NCKAP5: variants seen among roughly 807,000 people sequenced by gnomAD.
NCKAP5 encodes the protein nck-associated protein 5.
In NCKAP5, 92 loss-of-function variants were observed where a neutral mutation model predicts 167.0. The ratio of observed to expected loss-of-function variants is 0.55; its 90% CI spans 0.47 to 0.66. The LOEUF is 0.66. Among genes scored for constraint, NCKAP5 ranks in the 30% least tolerant of loss-of-function variants. The pLI is 0.00. For missense variants in NCKAP5, 2,378 were observed against 2,315.0 expected (o/e 1.03, Z -0.56); for synonymous variants, 891 against 877.4 (o/e 1.02, Z -0.27).
At chr2:132,985,729 C>T (rs1284534133) in intron 7 of NCKAP5, among the ~76,000 whole-genome samples, 3 of 152,074 alleles carry the variant, frequency 2.0e-5, no homozygotes, top group African/African-American at 7.2e-5. Context: ...TAAATCTTAA[C>T]ACACAATAAA....
Position 133,213,880 on chromosome 2 carries a change from T to TCCTTGGTTTAGCTCACTTCCTC in NCKAP5, c.144-123_144-102dup, listed in dbSNP as rs2086314155. 4.5e-6 allele frequency: 5 copies of TCCTTGGTTTAGCTCACTTCCTC among 1,111,306 alleles called. No homozygotes were observed. In the South Asian group the frequency reaches 6.6e-5, roughly 15 times the overall value. The allele number at this position is 1,111,306 out of a possible 1,614,324, so 68.8% of individuals were successfully genotyped here. On this transcript the variant is annotated intron_variant, in intron 4 of 19. Transcript: ENST00000409261. ...TTTTGAGGTCTCTAGAGGAATTCCTTCCTTGGTTTAGCTCACTTCCTCCTC... is the reference window on the plus strand; with the variant it reads ...TTTTGAGGTCTCTAGAGGAATTCCTTCCTTGGTTTAGCTCACTTCCTCCCTTGGTTTAGCTCACTTCCTCCTC...
At chr2:133,434,356 A>G (rs558963050) in intron 3 of NCKAP5, among the ~76,000 whole-genome samples, 1 of 152,352 alleles carries the variant, frequency 6.6e-6, no homozygotes, top group East Asian at 1.9e-4. Context: ...AATAATTTCA[A>G]GGAAAGTTTT....
Position 132,823,645 on chromosome 2 carries a change from A to C in NCKAP5, c.808-26916T>G, listed in dbSNP as rs372492523. Reference sequence around the variant, plus strand: ...GGCCTATAAAACAATAACACAATGGAAAAAAAACCCAAGGTATTAAGGCGA... The same window carrying C: ...GGCCTATAAAACAATAACACAATGGCAAAAAAACCCAAGGTATTAAGGCGA... On this transcript the variant is annotated intron_variant, in intron 11 of 19. Coordinates refer to ENST00000409261, the MANE Select transcript of NCKAP5 (RefSeq NM_207363.3). 1.8e-4 allele frequency among the ~76,000 whole-genome samples: 27 copies of C among 152,186 alleles called. No individual in the cohort carries two copies. In the East Asian group the frequency reaches 4.8e-3, roughly 27 times the overall value.
At chr2:133,483,634 G>GGC (rs1553651852) in intron 3 of NCKAP5, among the ~76,000 whole-genome samples, 1 of 150,900 alleles carries the variant, frequency 6.6e-6, no homozygotes, top group African/African-American at 2.4e-5. Context: ...AAAAGGGGGG[G>GGC]GGGCTTTTTC....
chr2:132,757,389 G>C (rs570386563), intron 16 of NCKAP5, among the ~76,000 whole-genome samples: 2 of 152,160 alleles, frequency 1.3e-5, no homozygotes, highest in East Asian at 1.9e-4. Context: ...TCATTAAAAA[G>C]TACCCAGATC....
chr2:132,722,670 C>T (rs1021388399), intron 19 of NCKAP5, among the ~76,000 whole-genome samples: 1 of 152,064 alleles, frequency 6.6e-6, no homozygotes, highest in Admixed American at 6.5e-5. Context: ...TTAATGGGCC[C>T]CCAAATCTAG....
chr2:133,081,846 C>T (rs2080820301), intron 6 of NCKAP5, among the ~76,000 whole-genome samples: 1 of 152,130 alleles, frequency 6.6e-6, no homozygotes, highest in Non-Finnish European at 1.5e-5. Context: ...ATTACCCAGA[C>T]ATCAAGTGAC....
chr2:132,731,764 T>C lies in NCKAP5; in HGVS notation c.5416A>G (p.Ser1806Gly). 2 of 1,605,068 alleles carry C rather than the reference T, an allele frequency of 1.2e-6. No individual in the cohort carries two copies. Among genetic ancestry groups the C allele is most frequent in the Non-Finnish European group, 1.7e-6 (2 of 1,173,030 alleles). The change falls in exon 17 of 20, where the codon AGC becomes GGC. Residue 1806 changes from serine (S) to glycine (G), a missense_variant. Ser to Gly is a moderately conservative substitution (Grantham distance 56, BLOSUM62 0). Around this residue, in one of 3 missense-constraint regions of NCKAP5, gnomAD observed 1,325 missense variants for 1,274.5 expected, o/e 1.04. Coordinates refer to ENST00000409261, the MANE Select transcript of NCKAP5 (RefSeq NM_207363.3). ...MTARGMRPLQ[S>G]RLPKPASSGK... Reference sequence around the variant, plus strand: ...GAGGAAGCTGGTTTGGGGAGGCGGCTCTGAAGAGGCCTCATCCCTCTGGCG... The same window carrying C: ...GAGGAAGCTGGTTTGGGGAGGCGGCCCTGAAGAGGCCTCATCCCTCTGGCG...
chr2:132,775,646 G>T (rs187841454), intron 15 of NCKAP5, among the ~76,000 whole-genome samples: 1 of 152,232 alleles, frequency 6.6e-6, no homozygotes, highest in Admixed American at 6.5e-5. Context: ...GTATGAGAAA[G>T]ACCAAAGTAC....
intron 8 of NCKAP5, among the ~76,000 whole-genome samples, chr2:132,935,641 G>A (rs971282868): frequency 6.6e-6 from 1 of 152,124 alleles, no homozygotes; most frequent in Non-Finnish European, 1.5e-5. Flanking sequence ...GGTGGTGGGG[G>A]ACTTTACTGA....
intron 8 of NCKAP5, among the ~76,000 whole-genome samples, chr2:132,906,197 T>C (rs1485376516): frequency 6.6e-6 from 1 of 152,196 alleles, no homozygotes; most frequent in Admixed American, 6.5e-5. Flanking sequence ...TTGGGTATCT[T>C]TCCATCCAAC....
At chr2:133,563,564 T>TAAAAAAAAAAAAAAAAAAAAAAAAAAAA (rs57901498) in intron 1 of NCKAP5, among the ~76,000 whole-genome samples, 1 of 53,012 alleles carries the variant, frequency 1.9e-5, no homozygotes, top group African/African-American at 7.0e-5. Context: ...AAAGACTCCA[T>TAAAAAAAAAAAAAAAAAAAAAAAAAAAA]AAAAAAAAAA....
chr2:132,982,836 G>C (rs2077181011), intron 7 of NCKAP5, among the ~76,000 whole-genome samples: 1 of 152,156 alleles, frequency 6.6e-6, no homozygotes, highest in South Asian at 2.1e-4. Flanking sequence ...TTGCTGCAAG[G>C]AACATGATTT....
At position 133,352,147 on chromosome 2, in the gene NCKAP5, A is replaced by T. The variant is rs563982239; in HGVS notation, c.70-49037T>A. ...AATGGAGACCCTGTCACCATCACCC[A>T]TTTAAAACCTAAATAACCAACAACC... On this transcript the variant is annotated intron_variant, in intron 3 of 19. Coordinates refer to ENST00000409261, the MANE Select transcript of NCKAP5 (RefSeq NM_207363.3). 1.6e-4 allele frequency among the ~76,000 whole-genome samples: 25 copies of T among 152,180 alleles called. 1 individual carries two copies. Among genetic ancestry groups the T allele is most frequent in the African/African-American group, 6.0e-4 (25 of 41,520 alleles).
intron 4 of NCKAP5, among the ~76,000 whole-genome samples, chr2:133,242,575 C>A (rs2087768812): frequency 6.6e-6 from 1 of 152,136 alleles, no homozygotes; most frequent in Non-Finnish European, 1.5e-5. Flanking sequence ...GGAGATTCTA[C>A]CTTTAACTAT....
chr2:132,731,996 T>C lies in NCKAP5; in HGVS notation c.5184A>G (p.Pro1728=), dbSNP rs753844333. 3 of 1,613,818 alleles carry C rather than the reference T, an allele frequency of 1.9e-6. No individual in the cohort carries two copies. The highest frequency in any genetic ancestry group is 2.5e-6 in the Non-Finnish European group (3 of 1,179,850). The part of the protein sequence containing the change: ...LDSGIGTFPL[P]DSGNRSTGRY... ...GTCCTGTCGAGCGATTTCCCGAGTC[T>C]GGGAGTGGAAAGGTTCCGATCCCAC... Residue 1728 remains proline, a synonymous_variant, in exon 17 of 20, where the codon CCA becomes CCG. Coordinates refer to ENST00000409261, the MANE Select transcript of NCKAP5 (RefSeq NM_207363.3).
chr2:132,991,839 G>A lies in NCKAP5; in HGVS notation c.429+2313C>T, dbSNP rs146566757. On this transcript the variant is annotated intron_variant, in intron 7 of 19. Coordinates refer to ENST00000409261, the MANE Select transcript of NCKAP5 (RefSeq NM_207363.3). Reference sequence around the variant, plus strand: ...TTTCCCAGCTCTTGCCTGAAACGCAGAATTTGGCCGCAGGGAGGTGTTAAC... The same window carrying A: ...TTTCCCAGCTCTTGCCTGAAACGCAAAATTTGGCCGCAGGGAGGTGTTAAC... Among the ~76,000 whole-genome samples, 496 of 152,286 alleles carry A rather than the reference G, an allele frequency of 3.3e-3. 2 individuals carry two copies. The highest frequency in any genetic ancestry group is 0.011 in the African/African-American group (476 of 41,564).
intron 11 of NCKAP5, among the ~76,000 whole-genome samples, chr2:132,826,370 T>C (rs1184035921): frequency 6.6e-6 from 1 of 152,170 alleles, no homozygotes. Flanking sequence ...GTGTGAAATA[T>C]GCATCATGAT....
intron 6 of NCKAP5, among the ~76,000 whole-genome samples, chr2:133,115,478 C>T (rs999530586): frequency 1.3e-5 from 2 of 151,994 alleles, no homozygotes; most frequent in Non-Finnish European, 2.9e-5. Context: ...GTTAGATTTA[C>T]TGGTTTTGCT....
Sources: gnomAD v4.1 joint callset for allele counts (sites outside exome capture counted in the v4.1 genomes callset) on GRCh38, gnomAD v4.1.1 for gene constraint, gnomAD v4.1.1 regional missense constraint, MANE v1.5 for transcripts, NCBI Gene and HGNC (gene_info 2026-07-23, HGNC 2026-07-21) for gene names.